BCR: variants seen among roughly 807,000 people sequenced by gnomAD.
BCR encodes BCR activator of RhoGEF and GTPase, also known as breakpoint cluster region protein.
BCR carries 58 observed loss-of-function variants against 138.6 expected under a neutral mutation model. That is an observed-to-expected ratio of 0.42 (90% CI 0.34 to 0.52). BCR has a LOEUF of 0.52. BCR is among the 20% of genes least tolerant of loss of function. The pLI, the probability that BCR is intolerant of heterozygous loss-of-function variation, is 0.06. For synonymous variants in BCR, 786 were observed against 730.1 expected (o/e 1.08, Z -1.23); for missense variants, 1,599 against 1,727.2 (o/e 0.93, Z 1.32).
intron 16 of BCR, among the ~76,000 whole-genome samples, chr22:23,309,208 G>A (rs996068279): frequency 1.3e-5 from 2 of 152,192 alleles, no homozygotes; most frequent in African/African-American, 4.8e-5. Flanking sequence ...GGGACCCCAG[G>A]CAGCAGGGCT....
intron 15 of BCR, among the ~76,000 whole-genome samples, chr22:23,294,580 T>C (rs879774871): frequency 6.6e-6 from 1 of 152,192 alleles, no homozygotes; most frequent in Non-Finnish European, 1.5e-5. Context: ...TTCGTATTTT[T>C]AGTAGGATGG....
chr22:23,242,976 A>T (rs562493634), intron 1 of BCR: 1 of 442,936 alleles, frequency 2.3e-6, no homozygotes, highest in East Asian at 7.1e-5. Context: ...CCGCCTTCAA[A>T]TGGCCTCCTG....
intron 1 of BCR, among the ~76,000 whole-genome samples, chr22:23,197,710 C>G (rs1050469163): frequency 6.6e-6 from 1 of 150,844 alleles, no homozygotes; most frequent in Non-Finnish European, 1.5e-5. Context: ...GGTTGTTAAG[C>G]TGGAGAGGGG....
intron 1 of BCR, among the ~76,000 whole-genome samples, chr22:23,219,668 C>T (rs2072800221): frequency 6.6e-6 from 1 of 152,234 alleles, no homozygotes; most frequent in South Asian, 2.1e-4. Flanking sequence ...TCCCTCCTCT[C>T]TGCTAGCTCT....
intron 1 of BCR, among the ~76,000 whole-genome samples, chr22:23,221,089 T>G (rs975619088): frequency 2.6e-5 from 4 of 152,234 alleles, no homozygotes; most frequent in Non-Finnish European, 5.9e-5. Context: ...CTGGTTCAGC[T>G]TCCTTGACAA....
At chr22:23,237,543 G>A (rs574862681) in intron 1 of BCR, among the ~76,000 whole-genome samples, 2 of 152,346 alleles carry the variant, frequency 1.3e-5, no homozygotes, top group East Asian at 3.9e-4. Flanking sequence ...GATCCTTGCC[G>A]GCTGGTTTTC....
intron 19 of BCR, 29 bp from the exon 20 acceptor site, chr22:23,312,858 A>G: frequency 6.3e-7 from 1 of 1,595,972 alleles, no homozygotes. Context: ...ATCCTCAAGG[A>G]GGCCGCTGCA....
In BCR at chr22:23,290,119, C is replaced by G. The variant is rs140856869; in HGVS notation, c.2708-220C>G. On this transcript the variant is annotated intron_variant, in intron 13 of 22. Transcript: ENST00000305877. ...CTTGGAACCTTATTACACTTCGAGT[C>G]ACTGGTTTGCCTGTATTGTGAAACC... The G allele has an allele frequency of 6.5e-6, 4 of 616,820 alleles. No homozygotes were observed. The African/African-American group carries it at 7.3e-5, about 11-fold the overall frequency. 38.2% of individuals were successfully genotyped at this position (616,820 alleles called of 1,614,324 possible). A position where few individuals can be genotyped will look rare whatever the true frequency, so the allele number is the denominator to read the frequency against.
At chr22:23,283,917 G>A in intron 8 of BCR, 60 bp from the exon 9 acceptor site, 18 of 1,490,562 alleles carry the variant, frequency 1.2e-5, no homozygotes, top group Non-Finnish European at 1.6e-5. Flanking sequence ...TGGGAGGGCC[G>A]AACACCCCCC....
At chr22:23,182,520 G>A (rs1014253898) in intron 1 of BCR, among the ~76,000 whole-genome samples, 3 of 152,228 alleles carry the variant, frequency 2.0e-5, no homozygotes, top group African/African-American at 7.2e-5. Context: ...TGTTTGTGAA[G>A]TACAGCTTGT....
At chr22:23,286,354 G>A (rs187401368) in intron 10 of BCR, among the ~76,000 whole-genome samples, 3 of 152,324 alleles carry the variant, frequency 2.0e-5, no homozygotes, top group African/African-American at 2.4e-5. Flanking sequence ...TAGGGTGGAC[G>A]CAGCAGGACA....
chr22:23,263,036 A>C, intron 4 of BCR: 51 of 735,096 alleles, frequency 6.9e-5, no homozygotes, highest in Middle Eastern at 4.2e-4. Flanking sequence ...GGAAGGAGGA[A>C]TGGAGGGTCA....
chr22:23,197,424 C>T lies in BCR; in HGVS notation c.1279+15185C>T, dbSNP rs1034405570. The stretch of plus-strand genomic sequence containing the variant: ...ATAAATGCTTTGTAAATAGTTGTTA[C>T]AGTGTATTGTTATTACATTTATATT... On this transcript the variant is annotated intron_variant, in intron 1 of 22. Transcript: ENST00000305877. Among the ~76,000 whole-genome samples the T allele has an allele frequency of 2.6e-5, 4 of 152,154 alleles. 1 individual carries two copies. Among genetic ancestry groups the T allele is most frequent in the African/African-American group, 9.7e-5 (4 of 41,430 alleles).
intron 15 of BCR, 110 bp from the exon 16 acceptor site, chr22:23,294,914 C>A: frequency 7.2e-7 from 1 of 1,382,506 alleles, no homozygotes; most frequent in Non-Finnish European, 1.0e-6. Context: ...AGGCATTGGT[C>A]CCTCTGGGCC....
intron 1 of BCR, among the ~76,000 whole-genome samples, chr22:23,234,413 C>T (rs2072999364): frequency 6.6e-6 from 1 of 152,148 alleles, no homozygotes; most frequent in African/African-American, 2.4e-5. Context: ...GATCAGTGGC[C>T]TGAGGAGGGA....
intron 4 of BCR, chr22:23,264,618 G>A (rs2073416363): frequency 1.3e-5 from 4 of 309,314 alleles, no homozygotes; most frequent in African/African-American, 2.1e-5. Context: ...TCGGCCCTGC[G>A]ACTCTGTTTG....
At chr22:23,313,449 C>T (rs1460198821) in intron 20 of BCR, among the ~76,000 whole-genome samples, 2 of 152,228 alleles carry the variant, frequency 1.3e-5, no homozygotes, top group African/African-American at 2.4e-5. Context: ...GTACCTGTGG[C>T]CTCTGCATCA....
intron 14 of BCR, 59 bp from the exon 15 acceptor site, chr22:23,292,482 A>G: frequency 1.6e-6 from 2 of 1,216,454 alleles, no homozygotes; most frequent in Non-Finnish European, 2.4e-6. Flanking sequence ...GCTCTTACAG[A>G]CCATGTGGGT....
At chr22:23,273,492 G>A in intron 7 of BCR, 142 bp from the exon 8 acceptor site, 1 of 1,154,060 alleles carries the variant, frequency 8.7e-7, no homozygotes, top group South Asian at 1.4e-5. Flanking sequence ...CCACAAAGCT[G>A]GGGCCCAAGT....
Sources: allele counts gnomAD v4.1 joint callset (sites outside exome capture counted in the v4.1 genomes callset), GRCh38; gene constraint gnomAD v4.1.1; transcripts MANE v1.5; gene names NCBI Gene and HGNC (gene_info 2026-07-23, HGNC 2026-07-21).